The following CPAMD8 variants were observed in gnomAD, a reference collection of about 807,000 sequenced individuals.
CPAMD8 encodes the protein C3 and PZP-like alpha-2-macroglobulin domain-containing protein 8.
In CPAMD8, 146 loss-of-function variants were observed where a neutral mutation model predicts 224.7. The observed-to-expected ratio is 0.65, with a 90% CI of 0.57 to 0.75. CPAMD8 has a LOEUF of 0.75. CPAMD8 is among the 30% of genes least tolerant of loss of function. The pLI is 0.00. For synonymous variants in CPAMD8, 966 were observed against 1,044.6 expected, an observed-to-expected ratio of 0.92 and a Z score of 1.45; for missense variants, 2,301 against 2,537.5, an observed-to-expected ratio of 0.91 and a Z score of 2.00.
intron 21 of CPAMD8, among the ~76,000 whole-genome samples, chr19:16,946,165 T>A (rs1480024154): frequency 8.0e-6 from 1 of 125,638 alleles, no homozygotes; most frequent in Non-Finnish European, 1.6e-5. Flanking sequence ...TGGGCATGTG[T>A]GTGTGTATGA....
At chr19:17,021,243 A>G (rs960543574) in intron 2 of CPAMD8, among the ~76,000 whole-genome samples, 2 of 152,138 alleles carry the variant, frequency 1.3e-5, no homozygotes, top group African/African-American at 2.4e-5. Context: ...CTTTCTTTCT[A>G]GGTATGAGAG....
chr19:16,945,761 G>T, intron 21 of CPAMD8, 82 bp from the exon 22 acceptor site: 1 of 1,275,366 alleles, frequency 7.8e-7, no homozygotes, highest in Non-Finnish European at 1.1e-6. Context: ...TATCCCAGAT[G>T]TGTGTGCATG....
chr19:16,985,042 T>C (rs2055665345), intron 13 of CPAMD8, among the ~76,000 whole-genome samples: 1 of 152,232 alleles, frequency 6.6e-6, no homozygotes, highest in Non-Finnish European at 1.5e-5. Context: ...ATTTGGTGAA[T>C]GTAATTTTCT....
intron 18 of CPAMD8, among the ~76,000 whole-genome samples, chr19:16,967,530 G>C (rs899094031): frequency 6.6e-6 from 1 of 152,074 alleles, no homozygotes; most frequent in African/African-American, 2.4e-5. Context: ...TATATGGCCA[G>C]GTGCAGTGGC....
intron 20 of CPAMD8, among the ~76,000 whole-genome samples, chr19:16,949,627 C>A (rs2054235846): frequency 6.6e-6 from 1 of 152,168 alleles, no homozygotes; most frequent in South Asian, 2.1e-4. Flanking sequence ...CCTCTGACCT[C>A]CTCGTCCTCT....
chr19:17,003,294 G>A (rs2056390189), intron 8 of CPAMD8, among the ~76,000 whole-genome samples: 2 of 150,986 alleles, frequency 1.3e-5, no homozygotes, highest in African/African-American at 4.9e-5. Flanking sequence ...TTGATCTCCT[G>A]GGCTCAAGCA....
At chr19:16,975,871 ACCCGACGG>A in intron 16 of CPAMD8, 123 bp downstream of exon 16, 1 of 970,428 alleles carries the variant, frequency 1.0e-6, no homozygotes. Context: ...TGAAAAATGA[ACCCGACGG>A]AGAAAGCGAA....
At chr19:16,896,095 G>T in intron 41 of CPAMD8, 81 bp downstream of exon 41, 4 of 1,524,386 alleles carry the variant, frequency 2.6e-6, no homozygotes, top group Non-Finnish European at 2.7e-6. Context: ...GGGGCAGGTC[G>T]TCGGGGGAGG....
At chr19:16,973,697 G>A (rs544456483) in intron 17 of CPAMD8, among the ~76,000 whole-genome samples, 137 of 152,082 alleles carry the variant, frequency 9.0e-4, no homozygotes, top group Non-Finnish European at 1.6e-3. Flanking sequence ...AATGGGACAC[G>A]CATTTGAGTG....
intron 3 of CPAMD8, among the ~76,000 whole-genome samples, chr19:17,017,118 C>T (rs2056833705): frequency 6.6e-6 from 1 of 152,090 alleles, no homozygotes; most frequent in Non-Finnish European, 1.5e-5. Context: ...TCAGTGGTGG[C>T]ATTAGATTCT....
chr19:16,973,707 G>A (rs1294388685), intron 17 of CPAMD8, among the ~76,000 whole-genome samples: 1 of 151,992 alleles, frequency 6.6e-6, no homozygotes, highest in Non-Finnish European at 1.5e-5. Flanking sequence ...GCATTTGAGT[G>A]GAGACCACCA....
At position 16,893,305 on chromosome 19, in the gene CPAMD8, C is replaced by G; in HGVS notation, c.5461G>C (p.Gly1821Arg). 6.5e-7 allele frequency: 1 copy of G among 1,549,730 alleles called. No individual in the cohort carries two copies. The highest frequency in any genetic ancestry group is 1.2e-5 in the South Asian group (1 of 84,808). ...CTCTGGGTGCTGCTTTCCAGGTTCC[C>G]GCTGCTCACAGGAGGCCGAGGCCCG... Reference protein sequence around the residue: ...TAGPRPPVSSGNLESSTQSAS... With the variant: ...TAGPRPPVSSRNLESSTQSAS... Residue 1821 changes from glycine (G) to arginine (R), a missense_variant, in exon 42 of 42, where the codon GGG becomes CGG. Gly to Arg is a moderately radical substitution (Grantham distance 125). Coordinates refer to ENST00000443236, the MANE Select transcript of CPAMD8 (RefSeq NM_015692.5).
chr19:16,893,175 T>C lies in CPAMD8; in HGVS notation c.5591A>G (p.Tyr1864Cys), dbSNP rs764028615. ...CCCACCACTCTGAAAGGCTGGGCTG[T>C]AGACGAAGACAGGGCTCAGAAGCCC... is the stretch of plus-strand genomic sequence containing the variant. The part of the protein sequence containing the change: ...RPGLLSPVFV[Y>C]SPAFQSGGEE... The change falls in exon 42 of 42, where the codon TAC (tyrosine) becomes TGC (cysteine). Residue 1864 changes from tyrosine to cysteine, a missense_variant. Transcript: ENST00000443236. 4.4e-6 allele frequency: 7 copies of C among 1,597,084 alleles called. No homozygotes were observed. Among genetic ancestry groups the C allele is most frequent in the African/African-American group, 2.7e-5 (2 of 74,586 alleles).
At chr19:17,003,946 G>A (rs532090447) in intron 8 of CPAMD8, among the ~76,000 whole-genome samples, 62 of 148,426 alleles carry the variant, frequency 4.2e-4, no homozygotes, top group African/African-American at 1.1e-3. Context: ...TCGCCCTGTC[G>A]CCCAGGCTGG....
chr19:16,904,220 G>A lies in CPAMD8; in HGVS notation c.4251+6C>T, dbSNP rs1243906541. ...GAGCCCCTCCCTCTGGCCCTGCCCG[G>A]CTCGCCTGAGTGGAGGAGAAGCCCC... On this transcript the variant is annotated splice_donor_region_variant and intron_variant, in intron 32 of 41. Coordinates refer to ENST00000443236, the MANE Select transcript of CPAMD8 (RefSeq NM_015692.5). The A allele has an allele frequency of 3.3e-6, 4 of 1,220,542 alleles. No individual in the cohort carries two copies. The highest frequency in any genetic ancestry group is 4.5e-6 in the Non-Finnish European group (4 of 897,966). 75.6% of individuals were successfully genotyped at this position (1,220,542 alleles called of 1,614,324 possible).
At chr19:16,924,869 G>A (rs1188815219) in intron 26 of CPAMD8, among the ~76,000 whole-genome samples, 3 of 152,288 alleles carry the variant, frequency 2.0e-5, no homozygotes, top group Admixed American at 2.0e-4. Flanking sequence ...ACAGGCATCA[G>A]CCACTGTGCC....
intron 7 of CPAMD8, among the ~76,000 whole-genome samples, chr19:17,007,952 G>C (rs1009326515): frequency 1.3e-5 from 2 of 152,146 alleles, no homozygotes; most frequent in Non-Finnish European, 2.9e-5. Flanking sequence ...TGGATCACCT[G>C]AGAGGTCAGG....
rs760737395 is a variant in CPAMD8 at position 16,952,095 on chromosome 19, G to A, written c.2382C>T (p.Ala794=). 68 of 1,557,168 alleles carry A rather than the reference G, an allele frequency of 4.4e-5. No homozygotes were observed. The highest frequency in any genetic ancestry group is 2.1e-4 in the Admixed American group (11 of 51,828). ...ALSTSQGLGI[A]EPSLLKTFKP... ...TGAAGGTCTTCAGCAGGGAGGGCTC[G>A]GCGATGCCTAAGCCCTGAGAGGTGG... The change falls in exon 20 of 42, where the codon GCC becomes GCT. Residue 794 remains alanine, a synonymous_variant. Transcript: ENST00000443236.
At chr19:16,900,017 A>G (rs2052187448) in intron 36 of CPAMD8, among the ~76,000 whole-genome samples, 1 of 151,698 alleles carries the variant, frequency 6.6e-6, no homozygotes, top group Non-Finnish European at 1.5e-5. Context: ...GGAGGTGACA[A>G]TAGGCCCAGC....
Sources: gnomAD v4.1 joint callset for allele counts (sites outside exome capture counted in the v4.1 genomes callset) on GRCh38, gnomAD v4.1.1 for gene constraint, MANE v1.5 for transcripts, NCBI Gene and HGNC (gene_info 2026-07-23, HGNC 2026-07-21) for gene names.